Variants in ACY1 observed in about 807,000 individuals in gnomAD.
ACY1 encodes aminoacylase-1.
A neutral mutation model predicts 53.3 loss-of-function variants in ACY1; 38 were observed. The ratio of observed to expected loss-of-function variants is 0.71; its 90% CI spans 0.55 to 0.93. The LOEUF (loss-of-function observed/expected upper bound fraction) is 0.93. Among genes scored for constraint, ACY1 ranks in the 40% least tolerant of loss-of-function variants. ACY1 has a pLI of 0.00. For synonymous variants in ACY1, 177 were observed against 202.1 expected (o/e 0.88, Z 1.05); for missense variants, 484 against 540.9 (o/e 0.89, Z 1.04).
intron 5 of ACY1, 132 bp from the exon 6 acceptor site, chr3:51,986,123 G>T: frequency 9.1e-7 from 1 of 1,097,048 alleles, no homozygotes; most frequent in South Asian, 1.3e-5. Context: ...GAGGGGCAGG[G>T]ACTTTCTGGA....
chr3:51,985,495 G>A, intron 4 of ACY1, 30 bp downstream of exon 4: 1 of 1,605,998 alleles, frequency 6.2e-7, no homozygotes, highest in Non-Finnish European at 8.5e-7. Flanking sequence ...GGTGGGCAGT[G>A]CAGGCCTTGG....
intron 2 of ACY1, 138 bp from the exon 3 acceptor site, chr3:51,985,069 G>A (rs1165215800): frequency 6.9e-6 from 6 of 864,952 alleles, no homozygotes; most frequent in Non-Finnish European, 1.1e-5. Context: ...GGATGGAAAT[G>A]CAAGCATCTC....
intron 12 of ACY1, chr3:51,988,204 C>T (rs891800649): frequency 6.4e-6 from 3 of 467,280 alleles, no homozygotes; most frequent in African/African-American, 3.9e-5. Flanking sequence ...GAAAGGGTGG[C>T]CCCTTGCACT....
In ACY1 at chr3:51,988,725, C is replaced by T. The variant is rs769675881; in HGVS notation, c.1002-41C>T. On this transcript the variant is annotated intron_variant, in intron 13 of 14. Coordinates refer to ENST00000636358, the MANE Select transcript of ACY1 (RefSeq NM_000666.3). Reference sequence around the variant, plus strand: ...ACCTTCCTTTGCCCCTTCAATTCTTCGCTTTCTCCCTCCCCATTCATCAGG... The same window carrying T: ...ACCTTCCTTTGCCCCTTCAATTCTTTGCTTTCTCCCTCCCCATTCATCAGG... 1.1e-5 allele frequency: 17 copies of T among 1,610,432 alleles called. No individual in the cohort carries two copies. In the Middle Eastern group the frequency reaches 8.2e-4, roughly 78 times the overall value.
At chr3:51,985,534 C>T (rs978420987) in intron 4 of ACY1, 69 bp downstream of exon 4, 1 of 1,490,428 alleles carries the variant, frequency 6.7e-7, no homozygotes, top group South Asian at 1.1e-5. Context: ...CCCCAGGATT[C>T]AACCTCAAGT....
chr3:51,984,355 ACT>A lies in ACY1; in HGVS notation c.94+200_94+201del, dbSNP rs1394037887. 1.1e-5 allele frequency: 7 copies of A among 642,448 alleles called. No individual in the cohort carries two copies. The East Asian group carries it at 1.9e-4, about 18-fold the overall frequency. 39.8% of individuals were successfully genotyped at this position (642,448 alleles called of 1,614,324 possible). ...TTAGGGAGGAACCCTTTCCCCAGAG[ACT>A]CTGCTGCTGACCAAGGTTACTCCTG... is the stretch of plus-strand genomic sequence containing the variant. On this transcript the variant is annotated intron_variant, in intron 2 of 14. Coordinates refer to ENST00000636358, the MANE Select transcript of ACY1 (RefSeq NM_000666.3).
At chr3:51,985,133 A>T (rs749287498) in intron 2 of ACY1, 74 bp from the exon 3 acceptor site, 185 of 1,494,208 alleles carry the variant, frequency 1.2e-4, no homozygotes, top group Non-Finnish European at 1.6e-4. Flanking sequence ...GGTATGCTCC[A>T]CTCTCCGGGC....
Position 51,987,604 on chromosome 3 carries a change from G to T in ACY1, c.901G>T (p.Val301Phe). 6.2e-7 allele frequency: 1 copy of T among 1,614,002 alleles called. No individual in the cohort carries two copies. The highest frequency in any genetic ancestry group is 1.1e-5 in the South Asian group (1 of 91,070). ...CTGGTGCCAGGCAGCTGGCGAGGGG[G>T]TCACCCTAGAGTTTGCTCAGGTATG... is the stretch of plus-strand genomic sequence containing the variant. ...QSWCQAAGEGVTLEFAQKWMH... is the reference protein window; with the variant it reads ...QSWCQAAGEGFTLEFAQKWMH... The change falls in exon 12 of 15, where the codon GTC (valine) becomes TTC (phenylalanine). Residue 301 changes from valine (V) to phenylalanine (F), a missense_variant. Transcript: ENST00000636358.
rs772913923 is a variant in ACY1 at position 51,986,990 on chromosome 3, G to A, written c.586G>A (p.Val196Met). ...VFYSERSPWWVRVTSTGRPGH... is the reference protein window; with the variant it reads ...VFYSERSPWWMRVTSTGRPGH... ...GCCTTCCCCCTACACCTCCCCAGGG[G>A]TGCGGGTTACCAGCACTGGGAGGCC... Residue 196 changes from valine (V) to methionine (M), a missense_variant and splice_region_variant, in exon 9 of 15, where the codon GTG becomes ATG. Transcript: ENST00000636358. The A allele has an allele frequency of 6.2e-7, 1 of 1,612,360 alleles. No individual in the cohort carries two copies. Among genetic ancestry groups the A allele is most frequent in the Non-Finnish European group, 8.5e-7 (1 of 1,179,958 alleles).
rs1413458153 is a variant in ACY1 at position 51,987,024 on chromosome 3, C to T, written c.620C>T (p.Ala207Val). The T allele has an allele frequency of 3.1e-6, 5 of 1,613,162 alleles. No individual in the cohort carries two copies. Among genetic ancestry groups the T allele is most frequent in the Admixed American group, 1.7e-5 (1 of 60,004 alleles). The change falls in exon 9 of 15, where the codon GCC (alanine) becomes GTC (valine). Residue 207 changes from alanine (A) to valine (V), a missense_variant. Physicochemically the swap from Ala to Val is moderately conservative, Grantham distance 64 (BLOSUM62 0). Coordinates refer to ENST00000636358, the MANE Select transcript of ACY1 (RefSeq NM_000666.3). Reference protein sequence around the residue: ...RVTSTGRPGHASRFMEDTAAE... With the variant: ...RVTSTGRPGHVSRFMEDTAAE... The stretch of plus-strand genomic sequence containing the variant: ...ACCAGCACTGGGAGGCCAGGCCATG[C>T]CTCACGCTTCATGGAGGACACAGCA...
intron 2 of ACY1, 104 bp downstream of exon 2, chr3:51,984,262 T>C: frequency 9.3e-7 from 1 of 1,073,748 alleles, no homozygotes. Context: ...CCCACTCTGC[T>C]GTCCCAAATG....
chr3:51,986,577 A>G (rs762010680), intron 7 of ACY1, 28 bp from the exon 8 acceptor site: 50 of 1,613,946 alleles, frequency 3.1e-5, no homozygotes, highest in Middle Eastern at 3.3e-4. Flanking sequence ...GAGCTGCTCC[A>G]CCCTCTGAAC....
chr3:51,985,473 A>T lies in ACY1; in HGVS notation c.264+8A>T. 3 of 1,612,090 alleles carry T rather than the reference A, an allele frequency of 1.9e-6. No homozygotes were observed. Among genetic ancestry groups the T allele is most frequent in the Non-Finnish European group, 2.5e-6 (3 of 1,178,570 alleles). On this transcript the variant is annotated splice_region_variant and intron_variant, in intron 4 of 14. Coordinates refer to ENST00000636358, the MANE Select transcript of ACY1 (RefSeq NM_000666.3). ...GTGGTGCCTGTCTTCAAGGTGTGTA[A>T]GGGGCTGGGGAGGTGGGCAGTGCAG...
intron 8 of ACY1, 51 bp from the exon 9 acceptor site, chr3:51,986,937 G>C: frequency 6.3e-7 from 1 of 1,590,104 alleles, no homozygotes; most frequent in Non-Finnish European, 8.6e-7. Context: ...GGCTGATTGT[G>C]TCTCCAGCCC....
chr3:51,988,753 CTT>C lies in ACY1; in HGVS notation c.1002-11_1002-10del, dbSNP rs1325393541. The C allele has an allele frequency of 6.2e-7, 1 of 1,614,090 alleles. No individual in the cohort carries two copies. The highest frequency in any genetic ancestry group is 2.2e-5 in the East Asian group (1 of 44,882). ...TTTCTCCCTCCCCATTCATCAGGCT[CTT>C]TCTCCTACAGGAACCTCACTCTGGA... On this transcript the variant is annotated splice_polypyrimidine_tract_variant and intron_variant, in intron 13 of 14. Transcript: ENST00000636358.
rs183620848 is a variant in ACY1 at position 51,988,884 on chromosome 3, C to G, written c.1063-27C>G. 1.8e-4 allele frequency: 296 copies of G among 1,614,218 alleles called. 2 individuals carry two copies. The East Asian group carries it at 6.4e-3, about 35-fold the overall frequency. On this transcript the variant is annotated intron_variant, in intron 14 of 14. Transcript: ENST00000636358. The stretch of plus-strand genomic sequence containing the variant: ...GACTGGGCCTGAGTGCTGGCTTTTC[C>G]CTAACGGCTCTTCCTCACCCCTGCA...
At chr3:51,985,152 C>G in intron 2 of ACY1, 55 bp from the exon 3 acceptor site, 1 of 1,565,862 alleles carries the variant, frequency 6.4e-7, no homozygotes, top group Non-Finnish European at 8.7e-7. Context: ...GCTGCCTGGG[C>G]TGGTGGGAAG....
chr3:51,985,874 T>C lies in ACY1; in HGVS notation c.287T>C (p.Phe96Ser), dbSNP rs1324588389. The change falls in exon 5 of 15, where the codon TTT (phenylalanine) becomes TCT (serine). Residue 96 changes from phenylalanine (F) to serine (S), a missense_variant. Transcript: ENST00000636358. ...CAGGAACATTGGAGTCACGACCCCT[T>C]TGAGGCCTTCAAGGATTCTGAGGGC... Reference protein sequence around the residue: ...VFKEHWSHDPFEAFKDSEGYI... With the variant: ...VFKEHWSHDPSEAFKDSEGYI... The C allele has an allele frequency of 1.2e-6, 2 of 1,613,722 alleles. No individual in the cohort carries two copies. The highest frequency in any genetic ancestry group is 2.2e-5 in the South Asian group (2 of 90,922).
Position 51,987,332 on chromosome 3 carries a change from AAG to A in ACY1, c.734_735del (p.Glu245GlyfsTer10), listed in dbSNP as rs1701105628. 2 of 1,613,980 alleles carry A rather than the reference AAG, an allele frequency of 1.2e-6. No individual in the cohort carries two copies. Among genetic ancestry groups the A allele is most frequent in the Non-Finnish European group, 1.7e-6 (2 of 1,179,982 alleles). On this transcript the variant is annotated frameshift_variant, in exon 11 of 15. Coordinates refer to ENST00000636358, the MANE Select transcript of ACY1 (RefSeq NM_000666.3). LOFTEE classifies it high-confidence loss of function. The stretch of plus-strand genomic sequence containing the variant: ...AGGCTGCAGTCAAACCCCCACCTGA[AAG>A]AGGGGTCCGTGACCTCCGTGAACCT...
Sources: allele counts gnomAD v4.1 joint callset, GRCh38; gene constraint gnomAD v4.1.1; transcripts MANE v1.5; gene names NCBI Gene and HGNC (gene_info 2026-07-23, HGNC 2026-07-21).